The following CNPY4 variants were observed in gnomAD, a reference collection of about 807,000 sequenced individuals.
CNPY4 encodes protein canopy homolog 4.
A neutral mutation model predicts 30.1 loss-of-function variants in CNPY4; 33 were observed. That is an observed-to-expected ratio of 1.10 (90% CI 0.83 to 1.46). The LOEUF (loss-of-function observed/expected upper bound fraction) is 1.46. Among genes scored for constraint, CNPY4 ranks in the 40% most tolerant of loss-of-function variants. The pLI is 0.00. For synonymous variants in CNPY4, 109 were observed against 110.1 expected (o/e 0.99, Z 0.06); for missense variants, 324 against 302.6 (o/e 1.07, Z -0.52).
intron 1 of CNPY4, chr7:100,121,110 A>ATTTTTTTTTTTTTTT (rs1798036782): frequency 1.4e-4 from 4 of 28,398 alleles, no homozygotes; most frequent in Non-Finnish European, 2.8e-4. Flanking sequence ...ATATATATAT[A>ATTTTTTTTTTTTTTT]TATATATTTT....
At chr7:100,124,030 A>G (rs1292376738) in intron 4 of CNPY4, among the ~76,000 whole-genome samples, 1 of 151,838 alleles carries the variant, frequency 6.6e-6, no homozygotes, top group East Asian at 2.0e-4. Flanking sequence ...CCAGCTACTC[A>G]GGAAGCTGAG....
At chr7:100,122,992 T>C (rs552609923) in intron 4 of CNPY4, 86 bp downstream of exon 4, 2 of 1,406,256 alleles carry the variant, frequency 1.4e-6, no homozygotes, top group African/African-American at 2.8e-5. Flanking sequence ...ATAGGGGATG[T>C]CTACCCCTAA....
chr7:100,121,116 A>ATATACATATT, intron 1 of CNPY4: 1 of 52,800 alleles, frequency 1.9e-5, no homozygotes, highest in Non-Finnish European at 3.2e-5. Flanking sequence ...ATATATATAT[A>ATATACATATT]TTTTTTTTTT....
At chr7:100,124,286 A>C (rs1362876275) in intron 4 of CNPY4, 2 of 508,514 alleles carry the variant, frequency 3.9e-6, no homozygotes, top group Admixed American at 6.5e-5. Flanking sequence ...ATTACCATAC[A>C]TATTTTACAG....
chr7:100,119,644 TG>T lies in CNPY4; in HGVS notation c.-99del. 1 of 1,604,056 alleles carries T rather than the reference TG, an allele frequency of 6.2e-7. No individual in the cohort carries two copies. The highest frequency in any genetic ancestry group is 1.1e-5 in the South Asian group (1 of 90,296). On this transcript the variant is annotated 5_prime_UTR_variant, in exon 1 of 6. Transcript: ENST00000262932. ...TGCGCATGCGCCGACCTTCCTCGGC[TG>T]GATTTAAGGTTGCCGCTAGCCGCCT...
rs757891301 is a variant in CNPY4, at chr7:100,119,818, A to G, written c.74A>G (p.Lys25Arg). ...CACGAGGCTTGGGCTGGGATGTTGA[A>G]GGAGGAGGACGATGACACAGAACGC... Reference protein sequence around the residue: ...AVHEAWAGMLKEEDDDTERLP... With the variant: ...AVHEAWAGMLREEDDDTERLP... The change falls in exon 1 of 6, where the codon AAG becomes AGG. Residue 25 changes from lysine to arginine, a missense_variant. Physicochemically the swap from Lys to Arg is conservative, Grantham distance 26. Transcript: ENST00000262932. 6.2e-7 allele frequency: 1 copy of G among 1,614,104 alleles called. No individual in the cohort carries two copies. The highest frequency in any genetic ancestry group is 1.1e-5 in the South Asian group (1 of 91,080).
chr7:100,125,052 A>T lies in CNPY4; in HGVS notation c.*164A>T. The T allele has an allele frequency of 2.7e-6, 2 of 746,194 alleles. No homozygotes were observed. The highest frequency in any genetic ancestry group is 4.2e-6 in the Non-Finnish European group (2 of 472,312). The allele number at this position is 746,194 out of a possible 1,614,324, so 46.2% of individuals were successfully genotyped here. A position where few individuals can be genotyped will look rare whatever the true frequency, so the allele number is the denominator to read the frequency against. ...TCAGGCAAGATCCTGGTGAAACAGC[A>T]TGACATGGCTTCTGGGGTGGAGGGT... On this transcript the variant is annotated 3_prime_UTR_variant, in exon 6 of 6. Transcript: ENST00000262932.
At position 100,119,721 on chromosome 7, in the gene CNPY4, ATTGT is replaced by A. The variant is rs755399414; in HGVS notation, c.-19_-16del. ...TTCCCGAAGTTGAAGGCAAGCGGTG[ATTGT>A]TTGTAGACGGCGCTTTGTCATGGGA... is the stretch of plus-strand genomic sequence containing the variant. On this transcript the variant is annotated 5_prime_UTR_variant, in exon 1 of 6. Coordinates refer to ENST00000262932, the MANE Select transcript of CNPY4 (RefSeq NM_152755.2). 2.2e-5 allele frequency: 36 copies of A among 1,614,020 alleles called. No homozygotes were observed. The highest frequency in any genetic ancestry group is 8.9e-5 in the East Asian group (4 of 44,864).
intron 1 of CNPY4, among the ~76,000 whole-genome samples, chr7:100,121,573 G>C (rs537535338): frequency 6.6e-6 from 1 of 151,740 alleles, no homozygotes; most frequent in Non-Finnish European, 1.5e-5. Context: ...TCAGCTTCCC[G>C]AGTAGCTATT....
At chr7:100,121,073 A>G (rs1402022951) in intron 1 of CNPY4, 3 of 90,008 alleles carry the variant, frequency 3.3e-5, no homozygotes, top group African/African-American at 4.6e-5. Context: ...TACTATTATT[A>G]TCCAATTGTA....
At position 100,119,810 on chromosome 7, in the gene CNPY4, G is replaced by C. The variant is rs1432554798; in HGVS notation, c.66G>C (p.Gly22=). The change falls in exon 1 of 6, where the codon GGG becomes GGC. Residue 22 remains glycine, a synonymous_variant. Coordinates refer to ENST00000262932, the MANE Select transcript of CNPY4 (RefSeq NM_152755.2). ...LFLAVHEAWA[G]MLKEEDDDTE... Reference sequence around the variant, plus strand: ...TGGCCGTGCACGAGGCTTGGGCTGGGATGTTGAAGGAGGAGGACGATGACA... The same window carrying C: ...TGGCCGTGCACGAGGCTTGGGCTGGCATGTTGAAGGAGGAGGACGATGACA... 1.9e-6 allele frequency: 3 copies of C among 1,614,024 alleles called. No individual in the cohort carries two copies. Among genetic ancestry groups the C allele is most frequent in the Admixed American group, 1.7e-5 (1 of 59,960 alleles).
chr7:100,121,111 T>TATATATATATATAC (rs1562938270), intron 1 of CNPY4: 20 of 35,342 alleles, frequency 5.7e-4, no homozygotes, highest in South Asian at 1.1e-3. Context: ...TATATATATA[T>TATATATATATATAC]ATATATTTTT....
chr7:100,124,864 C>T lies in CNPY4; in HGVS notation c.723C>T (p.Pro241=), dbSNP rs1798172461. The part of the protein sequence containing the change: ...GDKMTKTGSH[P]KLDREDL ...AGATGACCAAGACAGGAAGCCACCC[C>T]AAACTTGACCGAGAAGATCTTTGAC... Residue 241 remains proline, a synonymous_variant, in exon 6 of 6, where the codon CCC becomes CCT. Coordinates refer to ENST00000262932, the MANE Select transcript of CNPY4 (RefSeq NM_152755.2). 1.2e-6 allele frequency: 2 copies of T among 1,601,556 alleles called. No individual in the cohort carries two copies.
chr7:100,122,401 T>C lies in CNPY4; in HGVS notation c.245+16T>C. 6.2e-7 allele frequency: 1 copy of C among 1,613,958 alleles called. No homozygotes were observed. The highest frequency in any genetic ancestry group is 2.2e-5 in the East Asian group (1 of 44,862). ...ACAGCGTTTCGTGAGTCCTTCGTGC[T>C]CCTCCCCTTTCCAACCCCCAACGGA... On this transcript the variant is annotated intron_variant, in intron 2 of 5. Transcript: ENST00000262932.
intron 4 of CNPY4, among the ~76,000 whole-genome samples, chr7:100,123,598 G>A (rs1307126382): frequency 6.6e-6 from 1 of 151,930 alleles, no homozygotes; most frequent in Non-Finnish European, 1.5e-5. Flanking sequence ...TCGGCTCACC[G>A]CGACCTCCGC....
intron 5 of CNPY4, 36 bp downstream of exon 5, chr7:100,124,667 C>T (rs750734379): frequency 2.9e-5 from 46 of 1,611,344 alleles, no homozygotes; most frequent in Non-Finnish European, 3.8e-5. Flanking sequence ...CCTGCCAAGC[C>T]ATAGCCTCCC....
chr7:100,119,977 G>A, intron 1 of CNPY4, 115 bp downstream of exon 1: 1 of 907,750 alleles, frequency 1.1e-6, no homozygotes, highest in Middle Eastern at 3.5e-4. Context: ...GCTTGAGGGA[G>A]GTTCTGGTGG....
intron 2 of CNPY4, 27 bp from the exon 3 acceptor site, chr7:100,122,454 G>A: frequency 6.2e-7 from 1 of 1,614,100 alleles, no homozygotes; most frequent in South Asian, 1.1e-5. Context: ...AGCATCCAGG[G>A]AATCTTTGTT....
At chr7:100,121,108 A>ATTTTTTTTTTT (rs1562938218) in intron 1 of CNPY4, 6 of 17,880 alleles carry the variant, frequency 3.4e-4, no homozygotes, top group Non-Finnish European at 7.6e-4. Flanking sequence ...ATATATATAT[A>ATTTTTTTTTTT]TATATATATT....
Sources: gnomAD v4.1 joint callset for allele counts (sites outside exome capture counted in the v4.1 genomes callset) on GRCh38, gnomAD v4.1.1 for gene constraint, MANE v1.5 for transcripts, NCBI Gene and HGNC (gene_info 2026-07-23, HGNC 2026-07-21) for gene names.